Variants in ANO1 observed in about 807,000 individuals in gnomAD.
ANO1 encodes anoctamin 1.
Under a neutral mutation model 124.0 loss-of-function variants are expected in ANO1, and 59 were observed. The observed-to-expected ratio is 0.48, with a 90% CI of 0.39 to 0.59. ANO1 has a LOEUF of 0.59. Ranked by LOEUF, ANO1 falls within the 20% of genes least tolerant of loss-of-function variation. The pLI is 0.00. For missense variants in ANO1, 1,059 were observed against 1,328.0 expected, an observed-to-expected ratio of 0.80 and a Z score of 3.15; for synonymous variants, 529 against 532.0, an observed-to-expected ratio of 0.99 and a Z score of 0.08.
At chr11:70,174,780 C>A (rs79877417) in intron 22 of ANO1, among the ~76,000 whole-genome samples, 1 of 152,074 alleles carries the variant, frequency 6.6e-6, no homozygotes, top group Admixed American at 6.6e-5. Context: ...CCCTGTATAC[C>A]GAAGACCCCA....
the ANO1 span, among the ~76,000 whole-genome samples, chr11:69,972,240 C>T: frequency 6.7e-6 from 1 of 149,896 alleles, no homozygotes; most frequent in Non-Finnish European, 1.5e-5. Context: ...ACCAGTATGC[C>T]AGGGCATTGA....
chr11:70,051,282 C>T (rs76993650), intron 1 of ANO1, among the ~76,000 whole-genome samples: 15,341 of 152,236 alleles, frequency 0.1, 934 homozygotes, highest in Non-Finnish European at 0.14. Context: ...GATTCTTCAA[C>T]ATAGTTACAT....
chr11:70,021,931 A>G (rs371031018), intron 1 of ANO1, among the ~76,000 whole-genome samples: 1 of 152,138 alleles, frequency 6.6e-6, no homozygotes, highest in Non-Finnish European at 1.5e-5. Flanking sequence ...TGTTCCCCCA[A>G]AGACCAGAAT....
rs148874687 is a variant in ANO1, at chr11:70,173,396, ACT to A, written c.2350+2360_2350+2361del. Among the ~76,000 whole-genome samples the A allele has an allele frequency of 2.5e-3, 380 of 152,152 alleles. 3 individuals carry two copies. In the East Asian group the frequency reaches 0.028, roughly 11 times the overall value. ...GGTAATGAAGACTCAGAACACAGAC[ACT>A]CTATACTAAACTGCCCTGTGAGATT... On this transcript the variant is annotated intron_variant, in intron 22 of 25. Transcript: ENST00000355303.
At chr11:70,059,390 A>C (rs1401625182) in intron 1 of ANO1, among the ~76,000 whole-genome samples, 2 of 150,248 alleles carry the variant, frequency 1.3e-5, no homozygotes, top group African/African-American at 4.9e-5. Context: ...TGTCAGATTG[A>C]ATAGAAGTAG....
At chr11:69,989,603 C>A (rs925948639) in intron 1 of ANO1, among the ~76,000 whole-genome samples, 1 of 152,092 alleles carries the variant, frequency 6.6e-6, no homozygotes, top group Non-Finnish European at 1.5e-5. Flanking sequence ...CTCCCCACCC[C>A]CTCCCCACCA....
chr11:70,112,227 GGAGA>G (rs1368395608), intron 7 of ANO1, among the ~76,000 whole-genome samples: 4 of 152,152 alleles, frequency 2.6e-5, no homozygotes, highest in Non-Finnish European at 5.9e-5. Flanking sequence ...GACTTGGGGT[GGAGA>G]GAGAGAGAAG....
At chr11:70,172,134 A>AG in intron 22 of ANO1, among the ~76,000 whole-genome samples, 1 of 142,584 alleles carries the variant, frequency 7.0e-6, no homozygotes, top group Non-Finnish European at 1.6e-5. Context: ...AAAAAAAAAA[A>AG]AAGAAAAGAA....
intron 1 of ANO1, among the ~76,000 whole-genome samples, chr11:70,037,699 G>A (rs116552584): frequency 5.9e-5 from 9 of 152,218 alleles, no homozygotes; most frequent in East Asian, 1.9e-4. Flanking sequence ...CTCTATACCC[G>A]AAGCACCTCA....
At chr11:70,152,608 C>A in intron 13 of ANO1, 147 bp downstream of exon 13, 3 of 944,768 alleles carry the variant, frequency 3.2e-6, no homozygotes, top group South Asian at 2.9e-5. Flanking sequence ...CACCTCCGGT[C>A]TCTCCTAACC....
chr11:70,134,118 G>A (rs1322599640), intron 11 of ANO1, among the ~76,000 whole-genome samples: 1 of 152,166 alleles, frequency 6.6e-6, no homozygotes, highest in African/African-American at 2.4e-5. Context: ...CCTCCACAGA[G>A]GCCTCAGCCC....
intron 1 of ANO1, among the ~76,000 whole-genome samples, chr11:69,986,691 G>C (rs186721920): frequency 6.6e-6 from 1 of 152,260 alleles, no homozygotes; most frequent in East Asian, 1.9e-4. Context: ...ATGAGGCCTG[G>C]ACGCTAGGCC....
At chr11:70,108,236 C>T (rs1011998115) in intron 5 of ANO1, 117 bp from the exon 6 acceptor site, 85 of 946,702 alleles carry the variant, frequency 9.0e-5, no homozygotes, top group Middle Eastern at 2.3e-4. Context: ...GAAGATAGCA[C>T]CAAGGAGGTC....
At position 70,083,203 on chromosome 11, in the gene ANO1, G is replaced by A. The variant is rs539869572; in HGVS notation, c.108+4489G>A. Among the ~76,000 whole-genome samples the A allele has an allele frequency of 3.3e-5, 5 of 152,280 alleles. No individual in the cohort carries two copies. The East Asian group carries it at 9.6e-4, about 29-fold the overall frequency. ...CAGTTCCCAATTAGAGCAAACTTCTGTTGAAGGTTCACTCTATGCTAGGCC... is the reference window on the plus strand; with the variant it reads ...CAGTTCCCAATTAGAGCAAACTTCTATTGAAGGTTCACTCTATGCTAGGCC... On this transcript the variant is annotated intron_variant, in intron 1 of 25. Transcript: ENST00000355303.
upstream of ANO1, among the ~76,000 whole-genome samples, chr11:70,074,092 C>A (rs938234672): frequency 6.6e-6 from 1 of 152,184 alleles, no homozygotes; most frequent in Non-Finnish European, 1.5e-5. Flanking sequence ...GAGGTGATAT[C>A]ATTTACCTGT....
At chr11:70,078,899 C>T (rs1414457622) in intron 1 of ANO1, among the ~76,000 whole-genome samples, 185 bp downstream of exon 1, 1 of 151,350 alleles carries the variant, frequency 6.6e-6, no homozygotes, top group African/African-American at 2.4e-5. Context: ...TGGCCAAGTG[C>T]GTGCGCCCCG....
At chr11:70,165,158 C>G (rs947061129) in intron 19 of ANO1, among the ~76,000 whole-genome samples, 7 of 152,152 alleles carry the variant, frequency 4.6e-5, no homozygotes, top group Non-Finnish European at 5.9e-5. Flanking sequence ...ACTTGCCTCT[C>G]CACCCTCTGC....
intron 9 of ANO1, 140 bp downstream of exon 9, chr11:70,124,554 A>C: frequency 1.2e-6 from 1 of 812,202 alleles, no homozygotes. Context: ...AGGAAGACCC[A>C]AAATGTCCCT....
rs1021015553 is a variant in ANO1 at position 70,161,349 on chromosome 11, G to T, written c.1767G>T (p.Trp589Cys). ...LDEVYGCIARWLTKIEVPKTE... is the reference protein window; with the variant it reads ...LDEVYGCIARCLTKIEVPKTE... ...AGGTGTATGGCTGCATAGCCCGATG[G>T]CTCACCAAGATCGGTGAGTGCCCAT... Residue 589 changes from tryptophan to cysteine, a missense_variant, in exon 17 of 26, where the codon TGG (tryptophan) becomes TGT (cysteine). Physicochemically the swap from Trp to Cys is radical, Grantham distance 215. Coordinates refer to ENST00000355303, the MANE Select transcript of ANO1 (RefSeq NM_018043.7). 1.1e-5 allele frequency: 17 copies of T among 1,613,746 alleles called. No individual in the cohort carries two copies. The highest frequency in any genetic ancestry group is 1.4e-5 in the Non-Finnish European group (16 of 1,179,852).
Sources: allele counts gnomAD v4.1 joint callset (sites outside exome capture counted in the v4.1 genomes callset), GRCh38; gene constraint gnomAD v4.1.1; transcripts MANE v1.5; gene names NCBI Gene and HGNC (gene_info 2026-07-23, HGNC 2026-07-21).